Variants in MSH6 observed in about 807,000 individuals in gnomAD.
MSH6 encodes mutS homolog 6, also known as DNA mismatch repair protein Msh6.
MSH6 carries 85 observed loss-of-function variants against 119.1 expected under a neutral mutation model. The observed-to-expected ratio is 0.71, with a 90% CI of 0.60 to 0.85. The LOEUF (loss-of-function observed/expected upper bound fraction) is 0.85, where lower values mean the gene tolerates loss of function less well. MSH6 is among the 40% of genes least tolerant of loss of function. The pLI is 0.00. For missense variants in MSH6, 2,163 were observed against 1,655.3 expected, an observed-to-expected ratio of 1.31 and a Z score of -5.32; for synonymous variants, 830 against 586.9, an observed-to-expected ratio of 1.41 and a Z score of -5.99.
In MSH6 at chr2:47,797,133, A is replaced by G. The variant is rs142183144; in HGVS notation, c.627+1070A>G. ...ATTTGTTGTTGTTGTTTAGCTCATC[A>G]GCTATCATTAGCATTAGTGTATTTT... On this transcript the variant is annotated intron_variant, in intron 3 of 9. Coordinates refer to ENST00000234420, the MANE Select transcript of MSH6 (RefSeq NM_000179.3). Among the ~76,000 whole-genome samples, 263 of 152,342 alleles carry G rather than the reference A, an allele frequency of 1.7e-3. 1 individual carries two copies. The highest frequency in any genetic ancestry group is 6.0e-3 in the African/African-American group (248 of 41,590).
At chr2:47,795,520 A>C (rs1185105951) in intron 2 of MSH6, among the ~76,000 whole-genome samples, 5 of 144,676 alleles carry the variant, frequency 3.5e-5, no homozygotes, top group Non-Finnish European at 6.0e-5. Context: ...GGCTGGAGTG[A>C]AGTGGTGCAA....
rs864622324 is a variant in MSH6, at chr2:47,800,303, C to T, written c.2320C>T (p.Leu774=). 6.2e-7 allele frequency: 1 copy of T among 1,614,090 alleles called. No individual in the cohort carries two copies. Among genetic ancestry groups the T allele is most frequent in the Non-Finnish European group, 8.5e-7 (1 of 1,180,012 alleles). ...TCHTPFGKRL[L]KQWLCAPLCN... ...CCATACTCCTTTTGGTAAGCGGCTC[C>T]TAAAGCAATGGCTTTGTGCCCCACT... Residue 774 remains leucine (L), a synonymous_variant, in exon 4 of 10, where the codon CTA becomes TTA. Transcript: ENST00000234420.
intron 2 of MSH6, among the ~76,000 whole-genome samples, chr2:47,794,053 A>G (rs1183101156): frequency 1.9e-4 from 1 of 5,200 alleles, no homozygotes; most frequent in Non-Finnish European, 3.6e-4. Flanking sequence ...AAAAGAGATC[A>G]GTAAGGCCAG....
Position 47,805,601 on chromosome 2 carries a change from A to ATTT in MSH6, c.3557-6_3557-4dup, listed in dbSNP as rs267608102. 96 of 1,345,642 alleles carry ATTT rather than the reference A, an allele frequency of 7.1e-5. No individual in the cohort carries two copies. The highest frequency in any genetic ancestry group is 3.9e-4 in the South Asian group (32 of 82,422). 83.4% of individuals were successfully genotyped at this position (1,345,642 alleles called of 1,614,324 possible). The stretch of plus-strand genomic sequence containing the variant: ...TTTGCAAAATGAGTATTCATTTGTG[A>ATTT]TTTTTTTTTTTTTAAGGTGAAAGTA... On this transcript the variant is annotated splice_polypyrimidine_tract_variant and intron_variant, in intron 6 of 9. Coordinates refer to ENST00000234420, the MANE Select transcript of MSH6 (RefSeq NM_000179.3).
Position 47,799,463 on chromosome 2 carries a change from G to T in MSH6, c.1480G>T (p.Ala494Ser), listed in dbSNP as rs758699749. The change falls in exon 4 of 10, where the codon GCA becomes TCA. Residue 494 changes from alanine (A) to serine (S), a missense_variant. Coordinates refer to ENST00000234420, the MANE Select transcript of MSH6 (RefSeq NM_000179.3). ...EQTETPEMME[A>S]RCRKMAHISK... Reference sequence around the variant, plus strand: ...GACTGAGACTCCAGAAATGATGGAGGCACGATGTAGAAAGATGGCACATAT... The same window carrying T: ...GACTGAGACTCCAGAAATGATGGAGTCACGATGTAGAAAGATGGCACATAT... The T allele has an allele frequency of 3.7e-6, 6 of 1,614,138 alleles. No individual in the cohort carries two copies. The South Asian group carries it at 6.6e-5, about 18-fold the overall frequency.
chr2:47,795,760 C>T (rs540860513), intron 2 of MSH6, 134 bp from the exon 3 acceptor site: 28 of 785,084 alleles, frequency 3.6e-5, no homozygotes, highest in East Asian at 8.2e-5. Context: ...CGTGAGCCAC[C>T]ACACCTGGCA....
chr2:47,789,575 A>G (rs1377575066), intron 1 of MSH6: 1 of 324,686 alleles, frequency 3.1e-6, no homozygotes, highest in African/African-American at 2.2e-5. Context: ...CACATGACAA[A>G]GTTCTAAGGT....
chr2:47,806,163 T>C, intron 7 of MSH6, 41 bp from the exon 8 acceptor site: 1 of 1,555,188 alleles, frequency 6.4e-7, no homozygotes, highest in South Asian at 1.1e-5. Flanking sequence ...TTTGTTTTAA[T>C]TCCTTTGAGT....
chr2:47,794,564 G>T (rs745923620), intron 2 of MSH6, among the ~76,000 whole-genome samples: 2 of 151,832 alleles, frequency 1.3e-5, no homozygotes. Flanking sequence ...GAGCCACCAC[G>T]CCCAGCCCTA....
chr2:47,787,545 G>C (rs1668421535), intron 1 of MSH6, among the ~76,000 whole-genome samples: 1 of 152,034 alleles, frequency 6.6e-6, no homozygotes, highest in Non-Finnish European at 1.5e-5. Context: ...AAGAATACCG[G>C]ACATTTAAGA....
intron 1 of MSH6, among the ~76,000 whole-genome samples, chr2:47,788,447 G>T (rs1260887717): frequency 6.7e-6 from 1 of 149,342 alleles, no homozygotes; most frequent in Non-Finnish European, 1.5e-5. Flanking sequence ...TAGAGATGGG[G>T]TTTCACCATG....
chr2:47,801,946 A>C (rs112831378), intron 4 of MSH6, among the ~76,000 whole-genome samples: 4 of 152,254 alleles, frequency 2.6e-5, no homozygotes, highest in African/African-American at 9.6e-5. Flanking sequence ...TCCCGGCCCA[A>C]AAGATTTTTA....
chr2:47,785,991 G>C (rs1461916062), intron 1 of MSH6, among the ~76,000 whole-genome samples: 1 of 152,172 alleles, frequency 6.6e-6, no homozygotes, highest in African/African-American at 2.4e-5. Context: ...TCACTCTGCC[G>C]AGCACAGCAT....
chr2:47,802,448 A>C (rs1558385681), intron 4 of MSH6, among the ~76,000 whole-genome samples: 1 of 152,046 alleles, frequency 6.6e-6, no homozygotes, highest in Non-Finnish European at 1.5e-5. Flanking sequence ...CTCCTTCCTC[A>C]GCCTCCTGAG....
rs562052178 is a variant in MSH6 at position 47,803,318 on chromosome 2, T to G, written c.3173-102T>G. ...ATCGTTGGACTGTAATTGAAAGTTA[T>G]GTCTTATAATGAAATGTGTTATATA... is the stretch of plus-strand genomic sequence containing the variant. On this transcript the variant is annotated intron_variant, in intron 4 of 9. Transcript: ENST00000234420. The G allele has an allele frequency of 8.5e-5, 124 of 1,459,966 alleles. 1 individual carries two copies. In the East Asian group the frequency reaches 2.7e-3, roughly 32 times the overall value. The allele number at this position is 1,459,966 out of a possible 1,614,324, so 90.4% of individuals were successfully genotyped here. A position where few individuals can be genotyped will look rare whatever the true frequency, so the allele number is the denominator to read the frequency against.
At chr2:47,788,931 T>TTTTTG (rs1668551174) in intron 1 of MSH6, among the ~76,000 whole-genome samples, 1 of 93,552 alleles carries the variant, frequency 1.1e-5, no homozygotes, top group Non-Finnish European at 2.0e-5. Context: ...TGTTTTTTTT[T>TTTTTG]TTTTTTTTTT....
intron 4 of MSH6, among the ~76,000 whole-genome samples, chr2:47,802,939 A>G (rs1572734037): frequency 6.6e-6 from 1 of 151,928 alleles, no homozygotes; most frequent in Non-Finnish European, 1.5e-5. Flanking sequence ...TTTGAGACAG[A>G]GTCTCTCTGT....
intron 4 of MSH6, 86 bp downstream of exon 4, chr2:47,801,241 G>T: frequency 2.2e-6 from 3 of 1,369,948 alleles, no homozygotes; most frequent in Non-Finnish European, 3.1e-6. Context: ...TAAGTAATAA[G>T]GTATATATGG....
downstream of MSH6, chr2:47,809,730 G>A (rs756128545): frequency 5.4e-6 from 8 of 1,483,206 alleles, no homozygotes; most frequent in Admixed American, 1.7e-5. Context: ...TTACAAACAA[G>A]TAGATACATC....
Sources: allele counts gnomAD v4.1 joint callset (sites outside exome capture counted in the v4.1 genomes callset), GRCh38; gene constraint gnomAD v4.1.1; transcripts MANE v1.5; gene names NCBI Gene and HGNC (gene_info 2026-07-23, HGNC 2026-07-21).